ERMAP: variants seen among roughly 807,000 people sequenced by gnomAD.
ERMAP encodes erythroblast membrane associated protein (Scianna blood group).
A neutral mutation model predicts 49.5 loss-of-function variants in ERMAP; 34 were observed. The ratio of observed to expected loss-of-function variants is 0.69; its 90% confidence interval spans 0.52 to 0.91. ERMAP has a LOEUF of 0.91. ERMAP is among the 40% of genes least tolerant of loss of function. The pLI is 0.00. For synonymous variants in ERMAP, 214 were observed against 232.2 expected, an observed-to-expected ratio of 0.92 and a Z score of 0.71; for missense variants, 541 against 582.6, an observed-to-expected ratio of 0.93 and a Z score of 0.74.
At chr1:42,829,957 A>G (rs1654665462) in intron 2 of ERMAP, 1 of 160,320 alleles carries the variant, frequency 6.2e-6, no homozygotes, top group Admixed American at 5.8e-5. Flanking sequence ...TCAAGAGTCA[A>G]ACTGGAAAAG....
At position 42,830,504 on chromosome 1, in the gene ERMAP, T is replaced by C; in HGVS notation, c.56T>C (p.Val19Ala). The change falls in exon 3 of 12, where the codon GTC (valine) becomes GCC (alanine). Residue 19 changes from valine to alanine, a missense_variant. Physicochemically the swap from Val to Ala is moderately conservative, Grantham distance 64. Transcript: ENST00000372517. ...CTCTCTGGCTGCCTCATCCCTCTCG[T>C]CTTCCTCCGGCTGTCTGTGCATGTG... is the stretch of plus-strand genomic sequence containing the variant. Reference protein sequence around the residue: ...SWLSGCLIPLVFLRLSVHVSG... With the variant: ...SWLSGCLIPLAFLRLSVHVSG... The C allele has an allele frequency of 3.1e-6, 5 of 1,614,180 alleles. No individual in the cohort carries two copies. Among genetic ancestry groups the C allele is most frequent in the Non-Finnish European group, 3.4e-6 (4 of 1,180,018 alleles).
At chr1:42,823,082 G>A (rs1349505308) in intron 1 of ERMAP, among the ~76,000 whole-genome samples, 1 of 152,164 alleles carries the variant, frequency 6.6e-6, no homozygotes, top group South Asian at 2.1e-4. Flanking sequence ...ATTGGAAAAG[G>A]AGCATTTCAG....
Position 42,842,610 on chromosome 1 carries a change from T to C in ERMAP, c.806T>C (p.Val269Ala), listed in dbSNP as rs1167632302. 2 of 1,614,226 alleles carry C rather than the reference T, an allele frequency of 1.2e-6. No individual in the cohort carries two copies. The highest frequency in any genetic ancestry group is 1.7e-5 in the Admixed American group (1 of 60,020). ...CVRLGDRRQP[V>A]PDNPQRFDFV... ...AGGCTTGGAGACAGACGGCAGCCTGTACCTGACAACCCCCAGAGATTTGAT... is the reference window on the plus strand; with the variant it reads ...AGGCTTGGAGACAGACGGCAGCCTGCACCTGACAACCCCCAGAGATTTGAT... Residue 269 changes from valine (V) to alanine (A), a missense_variant, in exon 12 of 12, where the codon GTA becomes GCA. Coordinates refer to ENST00000372517, the MANE Select transcript of ERMAP (RefSeq NM_001017922.2).
intron 5 of ERMAP, among the ~76,000 whole-genome samples, 166 bp from the exon 6 acceptor site, chr1:42,835,566 T>G (rs996983316): frequency 6.6e-6 from 1 of 152,204 alleles, no homozygotes; most frequent in African/African-American, 2.4e-5. Flanking sequence ...CCAACACTCC[T>G]GCCCTTATCT....
intron 11 of ERMAP, among the ~76,000 whole-genome samples, 176 bp from the exon 12 acceptor site, chr1:42,842,340 AT>A (rs1288085544): frequency 1.3e-5 from 2 of 152,204 alleles, no homozygotes; most frequent in African/African-American, 4.8e-5. Flanking sequence ...CAGGAGACCT[AT>A]TCTTTGAAAG....
chr1:42,825,145 T>C (rs1369982901), intron 1 of ERMAP, among the ~76,000 whole-genome samples: 11 of 152,156 alleles, frequency 7.2e-5, no homozygotes, highest in African/African-American at 2.7e-4. Context: ...GCTAAGGATA[T>C]TATGAAAGCA....
intron 1 of ERMAP, among the ~76,000 whole-genome samples, chr1:42,821,894 T>C (rs1400451465): frequency 2.6e-5 from 4 of 151,724 alleles, no homozygotes; most frequent in African/African-American, 7.3e-5. Context: ...GCACCTGTAG[T>C]CCTAGCTACT....
At position 42,834,058 on chromosome 1, in the gene ERMAP, T is replaced by C. The variant is rs138498429; in HGVS notation, c.434-980T>C. ...CTCAAAGAGATAAGGAGTCCTGTCA[T>C]GCACACATTTTACAGATGAGGGACA... is the stretch of plus-strand genomic sequence containing the variant. On this transcript the variant is annotated intron_variant, in intron 4 of 11. Transcript: ENST00000372517. Among the ~76,000 whole-genome samples, 367 of 152,346 alleles carry C rather than the reference T, an allele frequency of 2.4e-3. 1 individual carries two copies. Among genetic ancestry groups the C allele is most frequent in the African/African-American group, 8.5e-3 (352 of 41,574 alleles).
At position 42,830,446 on chromosome 1, in the gene ERMAP, C is replaced by A. The variant is rs543001910; in HGVS notation, c.-3C>A. The A allele has an allele frequency of 1.2e-6, 2 of 1,614,072 alleles. No homozygotes were observed. ...CTGTCTCCCTCTGTCTGTCCTAGTT[C>A]GGATGGAGATGGCGAGTTCTGCTGG... On this transcript the variant is annotated splice_region_variant and 5_prime_UTR_variant, in exon 3 of 12. Coordinates refer to ENST00000372517, the MANE Select transcript of ERMAP (RefSeq NM_001017922.2).
At chr1:42,838,778 T>G in intron 7 of ERMAP, 123 bp from the exon 8 acceptor site, 1 of 1,476,634 alleles carries the variant, frequency 6.8e-7, no homozygotes, top group Admixed American at 1.7e-5. Context: ...GGAGCTGGAC[T>G]AGGGACATAG....
In ERMAP at chr1:42,822,478, C is replaced by G. The variant is rs139021544; in HGVS notation, c.-121-3145C>G. Among the ~76,000 whole-genome samples, 1,074 of 152,258 alleles carry G rather than the reference C, an allele frequency of 7.1e-3. 5 individuals are homozygous for G. Among genetic ancestry groups the G allele is most frequent in the African/African-American group, 0.025 (1,034 of 41,546 alleles). On this transcript the variant is annotated intron_variant, in intron 1 of 11. Transcript: ENST00000372517. ...GGATTACAGGCGTGAGCCACTGCAC[C>G]CAGCCCTAATTAATTTTTAATTGAC...
At chr1:42,817,969 T>C (rs1422009491) in intron 1 of ERMAP, among the ~76,000 whole-genome samples, 1 of 152,260 alleles carries the variant, frequency 6.6e-6, no homozygotes, top group Non-Finnish European at 1.5e-5. Context: ...TATCCCCATT[T>C]ACACATAAGG....
chr1:42,835,388 A>T (rs980633155), intron 5 of ERMAP, among the ~76,000 whole-genome samples: 2 of 152,228 alleles, frequency 1.3e-5, no homozygotes. Context: ...CCTTTGAAAA[A>T]TAAGAAAATA....
At chr1:42,824,137 G>A (rs972036397) in intron 1 of ERMAP, among the ~76,000 whole-genome samples, 4 of 151,972 alleles carry the variant, frequency 2.6e-5, no homozygotes, top group African/African-American at 9.7e-5. Flanking sequence ...AAGGTCAGGA[G>A]ATCAAGACCA....
In ERMAP at chr1:42,820,535, T is replaced by A. The variant is rs142261192; in HGVS notation, c.-122+3282T>A. Among the ~76,000 whole-genome samples, 563 of 152,228 alleles carry A rather than the reference T, an allele frequency of 3.7e-3. 3 individuals carry two copies. Among genetic ancestry groups the A allele is most frequent in the African/African-American group, 0.013 (536 of 41,558 alleles). ...CTGCTGCACCCAGCCAGTTTCCCTG[T>A]TTTTAAATTTTTCTTCATGTTCCAT... On this transcript the variant is annotated intron_variant, in intron 1 of 11. Transcript: ENST00000372517.
At chr1:42,820,133 T>C (rs1654369049) in intron 1 of ERMAP, among the ~76,000 whole-genome samples, 1 of 152,060 alleles carries the variant, frequency 6.6e-6, no homozygotes. Context: ...TTCATTGTCA[T>C]CTAGCTTCTC....
intron 4 of ERMAP, among the ~76,000 whole-genome samples, chr1:42,832,354 A>G (rs11210725): frequency 1 from 150,622 of 151,104 alleles, 75,076 homozygotes; most frequent in Middle Eastern, 1. Context: ...ACCATGGCCA[A>G]CTAATTTTTT....
chr1:42,818,590 C>T (rs1295463676), intron 1 of ERMAP, among the ~76,000 whole-genome samples: 1 of 152,194 alleles, frequency 6.6e-6, no homozygotes, highest in Non-Finnish European at 1.5e-5. Context: ...ACCTCAGCCT[C>T]CAAAGTATCT....
chr1:42,834,387 T>C (rs1173356853), intron 4 of ERMAP, among the ~76,000 whole-genome samples: 2 of 151,842 alleles, frequency 1.3e-5, no homozygotes, highest in African/African-American at 4.8e-5. Flanking sequence ...AGACTGGAGG[T>C]GTGTAGTGAG....
Sources: gnomAD v4.1 joint callset for allele counts (sites outside exome capture counted in the v4.1 genomes callset) on GRCh38, gnomAD v4.1.1 for gene constraint, MANE v1.5 for transcripts, NCBI Gene and HGNC (gene_info 2026-07-23, HGNC 2026-07-21) for gene names.